The following SPOPL variants were observed in gnomAD, a reference collection of about 807,000 sequenced individuals.
SPOPL encodes speckle-type POZ protein-like.
SPOPL carries 23 observed loss-of-function variants against 53.8 expected under a neutral mutation model. The observed-to-expected ratio is 0.43, with a 90% CI of 0.31 to 0.61. The LOEUF is 0.61. SPOPL is among the 20% of genes least tolerant of loss of function. SPOPL has a pLI of 0.12. For missense variants in SPOPL, 442 were observed against 466.9 expected (o/e 0.95, Z 0.49); for synonymous variants, 164 against 149.7 (o/e 1.10, Z -0.70).
In SPOPL at chr2:138,551,010, A is replaced by C. The variant is rs749513872; in HGVS notation, c.308A>C (p.Lys103Thr). The change falls in exon 4 of 11, where the codon AAA (lysine) becomes ACA (threonine). Residue 103 changes from lysine to threonine, a missense_variant. Physicochemically the swap from Lys to Thr is moderately conservative, Grantham distance 78. Coordinates refer to ENST00000280098, the MANE Select transcript of SPOPL (RefSeq NM_001001664.3). ...CPKSEVRAKF[K>T]FSLLNAKREE... ...AAAAGTGAAGTTCGAGCAAAATTCA[A>C]ATTTTCCCTTCTGAATGCTAAAAGG... The C allele has an allele frequency of 6.2e-7, 1 of 1,613,440 alleles. No individual in the cohort carries two copies. The highest frequency in any genetic ancestry group is 8.5e-7 in the Non-Finnish European group (1 of 1,179,560).
Position 138,572,045 on chromosome 2 carries a change from A to G in SPOPL, c.*2965A>G, listed in dbSNP as rs999674708. 1.3e-5 allele frequency: 2 copies of G among 152,318 alleles called. No individual in the cohort carries two copies. The highest frequency in any genetic ancestry group is 4.8e-5 in the African/African-American group (2 of 41,368). The allele number at this position is 152,318 out of a possible 1,614,324, so 9.4% of individuals were successfully genotyped here. ...CGTGTGTGTCTGTGTGTTTGTGTAC[A>G]TACCTGTATTTGCTTGGGGCTTGTG... is the stretch of plus-strand genomic sequence containing the variant. On this transcript the variant is annotated 3_prime_UTR_variant, in exon 11 of 11. Transcript: ENST00000280098.
At chr2:138,563,734 T>A (rs1382763664) in intron 8 of SPOPL, among the ~76,000 whole-genome samples, 1 of 152,152 alleles carries the variant, frequency 6.6e-6, no homozygotes, top group South Asian at 2.1e-4. Flanking sequence ...AAGTTAAACA[T>A]AAACTTACAC....
chr2:138,565,103 G>A, intron 10 of SPOPL, 110 bp downstream of exon 10: 1 of 1,331,848 alleles, frequency 7.5e-7, no homozygotes, highest in Non-Finnish European at 1.0e-6. Flanking sequence ...GTTACATGAA[G>A]CAAACTGCCA....
chr2:138,525,690 T>C (rs948004385), intron 1 of SPOPL, among the ~76,000 whole-genome samples: 3 of 143,864 alleles, frequency 2.1e-5, no homozygotes, highest in East Asian at 4.2e-4. Context: ...AAAAAACAAT[T>C]AGCAAAGTAT....
chr2:138,531,376 C>G (rs904281886), intron 1 of SPOPL, among the ~76,000 whole-genome samples: 1 of 152,038 alleles, frequency 6.6e-6, no homozygotes, highest in African/African-American at 2.4e-5. Context: ...ATGAAGAACA[C>G]TTTTTACTCC....
chr2:138,529,802 G>GA (rs1441406203), intron 1 of SPOPL, among the ~76,000 whole-genome samples: 1 of 152,132 alleles, frequency 6.6e-6, no homozygotes, highest in East Asian at 1.9e-4. Flanking sequence ...ATGTTAGTCT[G>GA]AAAATACATA....
intron 1 of SPOPL, among the ~76,000 whole-genome samples, chr2:138,503,364 CACAAGTAAAT>C (rs1225389269): frequency 9.2e-5 from 14 of 152,126 alleles, no homozygotes; most frequent in Non-Finnish European, 1.6e-4. Context: ...CTAGTAATTG[CACAAGTAAAT>C]ACAAGTAAAG....
In SPOPL at chr2:138,555,055, A is replaced by G. The variant is rs529697493; in HGVS notation, c.480+2374A>G. On this transcript the variant is annotated intron_variant, in intron 5 of 10. Coordinates refer to ENST00000280098, the MANE Select transcript of SPOPL (RefSeq NM_001001664.3). ...GAGGTCCTTTTTCTCACATCATAACATGGTGGACATCATCACATGGTGAGA... is the reference window on the plus strand; with the variant it reads ...GAGGTCCTTTTTCTCACATCATAACGTGGTGGACATCATCACATGGTGAGA... 1.4e-4 allele frequency among the ~76,000 whole-genome samples: 22 copies of G among 151,866 alleles called. No individual in the cohort carries two copies. In the East Asian group the frequency reaches 1.6e-3, roughly 11 times the overall value.
intron 10 of SPOPL, among the ~76,000 whole-genome samples, chr2:138,567,394 TG>T (rs1184729927): frequency 2.1e-5 from 3 of 142,670 alleles, no homozygotes; most frequent in African/African-American, 7.6e-5. Flanking sequence ...TGTGTGTGTG[TG>T]TGTGTGTGTG....
intron 1 of SPOPL, among the ~76,000 whole-genome samples, chr2:138,529,393 T>C (rs1684750003): frequency 6.6e-6 from 1 of 152,106 alleles, no homozygotes; most frequent in Non-Finnish European, 1.5e-5. Flanking sequence ...TTTATGGCCC[T>C]TTTGAATATG....
At chr2:138,544,759 AC>A (rs1166541145) in intron 1 of SPOPL, among the ~76,000 whole-genome samples, 3 of 151,634 alleles carry the variant, frequency 2.0e-5, no homozygotes, top group East Asian at 3.9e-4. Flanking sequence ...ACTTTCCGAC[AC>A]TCCCCAGTGA....
In SPOPL at chr2:138,569,311, C is replaced by G. The variant is rs1467803846; in HGVS notation, c.*231C>G. ...CCTTAAATTATCTTCAATGACTTGTCTTGTTCATATAATACTTTAATTTTT... is the reference window on the plus strand; with the variant it reads ...CCTTAAATTATCTTCAATGACTTGTGTTGTTCATATAATACTTTAATTTTT... On this transcript the variant is annotated 3_prime_UTR_variant, in exon 11 of 11. Coordinates refer to ENST00000280098, the MANE Select transcript of SPOPL (RefSeq NM_001001664.3). 1 of 436,542 alleles carries G rather than the reference C, an allele frequency of 2.3e-6. No homozygotes were observed. Among genetic ancestry groups the G allele is most frequent in the Non-Finnish European group, 4.0e-6 (1 of 247,492 alleles). The allele number at this position is 436,542 out of a possible 1,614,324, so 27.0% of individuals were successfully genotyped here. A position where few individuals can be genotyped will look rare whatever the true frequency, so the allele number is the denominator to read the frequency against.
intron 8 of SPOPL, 103 bp downstream of exon 8, chr2:138,561,030 G>A (rs1161286312): frequency 1.4e-6 from 2 of 1,393,766 alleles, no homozygotes; most frequent in Non-Finnish European, 9.8e-7. Flanking sequence ...TTTTGTAGAT[G>A]GCTCTTGAGA....
At chr2:138,563,544 G>GATATTCCTGCACATCATTAT (rs1259142576) in intron 8 of SPOPL, among the ~76,000 whole-genome samples, 1 of 152,120 alleles carries the variant, frequency 6.6e-6, no homozygotes, top group Non-Finnish European at 1.5e-5. Context: ...GCCATCATTA[G>GATATTCCTGCACATCATTAT]ATATTCCTGC....
intron 5 of SPOPL, 112 bp downstream of exon 5, chr2:138,552,793 T>C (rs1685341680): frequency 1.6e-6 from 2 of 1,257,918 alleles, no homozygotes; most frequent in African/African-American, 3.1e-5. Flanking sequence ...TTGATTGAGT[T>C]TCATTTGTAA....
intron 1 of SPOPL, among the ~76,000 whole-genome samples, chr2:138,512,890 G>C (rs1232939002): frequency 6.6e-6 from 1 of 152,218 alleles, no homozygotes; most frequent in East Asian, 1.9e-4. Context: ...TAAGTGTCTA[G>C]TCATTGAGTA....
intron 1 of SPOPL, among the ~76,000 whole-genome samples, chr2:138,516,178 T>TA (rs1387758364): frequency 1.3e-5 from 2 of 152,174 alleles, no homozygotes; most frequent in African/African-American, 4.8e-5. Context: ...GTTAGATTGA[T>TA]ATGGAGTGGA....
At chr2:138,540,076 G>C (rs866124082) in intron 1 of SPOPL, among the ~76,000 whole-genome samples, 1 of 152,152 alleles carries the variant, frequency 6.6e-6, no homozygotes, top group Admixed American at 6.5e-5. Flanking sequence ...CATTCTTTCT[G>C]AGGGCTCTGT....
intron 3 of SPOPL, 67 bp from the exon 4 acceptor site, chr2:138,550,836 T>TCTCTCC (rs989582088): frequency 2.3e-5 from 35 of 1,531,266 alleles, no homozygotes; most frequent in Non-Finnish European, 2.9e-5. Flanking sequence ...TTTCTCTCTC[T>TCTCTCC]CTCTCTCTCT....
Sources: allele counts gnomAD v4.1 joint callset (sites outside exome capture counted in the v4.1 genomes callset), GRCh38; gene constraint gnomAD v4.1.1; transcripts MANE v1.5; gene names NCBI Gene and HGNC (gene_info 2026-07-23, HGNC 2026-07-21).